FSTL5: variants seen among roughly 807,000 people sequenced by gnomAD.
FSTL5 encodes follistatin like 5.
FSTL5 carries 62 observed loss-of-function variants against 89.1 expected under a neutral mutation model. That is an observed-to-expected ratio of 0.70 (90% CI 0.57 to 0.86). The LOEUF is 0.86. FSTL5 is among the 40% of genes least tolerant of loss of function. The pLI is 0.00. For missense variants in FSTL5, 1,057 were observed against 1,001.6 expected, an observed-to-expected ratio of 1.06 and a Z score of -0.75; for synonymous variants, 383 against 346.2, an observed-to-expected ratio of 1.11 and a Z score of -1.18.
intron 3 of FSTL5, among the ~76,000 whole-genome samples, chr4:161,986,164 G>C (rs1735957866): frequency 6.6e-6 from 1 of 152,076 alleles, no homozygotes; most frequent in Admixed American, 6.5e-5. Flanking sequence ...TGGTTTTGAG[G>C]GTAGGGAAAG....
chr4:161,392,265 T>C (rs561840783), intron 15 of FSTL5, among the ~76,000 whole-genome samples: 1 of 152,060 alleles, frequency 6.6e-6, no homozygotes, highest in East Asian at 1.9e-4. Context: ...TTTCACTCTG[T>C]TGCCCAAGCT....
chr4:162,074,952 A>G (rs1309491009), intron 2 of FSTL5, among the ~76,000 whole-genome samples: 1 of 151,788 alleles, frequency 6.6e-6, no homozygotes, highest in Non-Finnish European at 1.5e-5. Flanking sequence ...ATTTTATAAT[A>G]AAGTGTCGAA....
chr4:162,033,567 C>A, intron 3 of FSTL5, 58 bp downstream of exon 3: 3 of 891,554 alleles, frequency 3.4e-6, no homozygotes, highest in East Asian at 2.7e-5. Flanking sequence ...CATCACATAT[C>A]TTTTTTCTTT....
chr4:161,841,752 G>T (rs960069063), intron 4 of FSTL5, among the ~76,000 whole-genome samples: 1 of 152,112 alleles, frequency 6.6e-6, no homozygotes, highest in African/African-American at 2.4e-5. Context: ...TAGAAAGGTG[G>T]CCCATGTAGT....
chr4:161,610,738 T>C (rs1358062548), intron 7 of FSTL5, among the ~76,000 whole-genome samples: 1 of 151,840 alleles, frequency 6.6e-6, no homozygotes, highest in Non-Finnish European at 1.5e-5. Flanking sequence ...TGCTGACACA[T>C]TGATATGAAA....
At chr4:161,891,460 C>T (rs757788337) in intron 4 of FSTL5, among the ~76,000 whole-genome samples, 1 of 152,010 alleles carries the variant, frequency 6.6e-6, no homozygotes, top group Admixed American at 6.6e-5. Context: ...GACAGTTTAC[C>T]CATCTGGTTT....
chr4:161,759,408 C>T lies in FSTL5; in HGVS notation c.727+3G>A, dbSNP rs1740699119. On this transcript the variant is annotated splice_donor_region_variant and intron_variant, in intron 6 of 15. Coordinates refer to ENST00000306100, the MANE Select transcript of FSTL5 (RefSeq NM_020116.5). The stretch of plus-strand genomic sequence containing the variant: ...GAAATTGGAGAATGAATCTTGTACT[C>T]ACGGAATGCTCTATAAAATTCTTCA... 2 of 1,583,516 alleles carry T rather than the reference C, an allele frequency of 1.3e-6. No individual in the cohort carries two copies. The highest frequency in any genetic ancestry group is 1.2e-5 in the South Asian group (1 of 85,210).
At chr4:161,895,783 G>A (rs929968582) in intron 4 of FSTL5, among the ~76,000 whole-genome samples, 3 of 152,048 alleles carry the variant, frequency 2.0e-5, no homozygotes, top group Non-Finnish European at 2.9e-5. Flanking sequence ...ATATCACAAC[G>A]TATTTTTGCA....
At chr4:161,641,861 T>G (rs2126668954) in intron 7 of FSTL5, among the ~76,000 whole-genome samples, 1 of 152,144 alleles carries the variant, frequency 6.6e-6, no homozygotes, top group South Asian at 2.1e-4. Context: ...TAGTACTGAT[T>G]ATATATATAA....
chr4:161,419,062 C>T (rs572929604), intron 15 of FSTL5, among the ~76,000 whole-genome samples: 1 of 152,294 alleles, frequency 6.6e-6, no homozygotes, highest in South Asian at 2.1e-4. Context: ...CTTAAACACA[C>T]TTCTCAATCA....
At chr4:161,477,439 T>A (rs1729322778) in intron 13 of FSTL5, among the ~76,000 whole-genome samples, 1 of 150,300 alleles carries the variant, frequency 6.7e-6, no homozygotes, top group Non-Finnish European at 1.5e-5. Flanking sequence ...ATTATTATAG[T>A]TTATTACACT....
chr4:161,946,376 TC>T (rs1465169076), intron 3 of FSTL5, among the ~76,000 whole-genome samples: 2 of 152,180 alleles, frequency 1.3e-5, no homozygotes, highest in Non-Finnish European at 2.9e-5. Flanking sequence ...AGTGAGCAAA[TC>T]CACATCATCT....
intron 3 of FSTL5, among the ~76,000 whole-genome samples, chr4:161,982,554 T>C (rs1172813800): frequency 1.3e-5 from 2 of 152,208 alleles, no homozygotes; most frequent in Non-Finnish European, 2.9e-5. Context: ...CTGGCCACAC[T>C]TGTGTTACCT....
chr4:161,491,293 A>G (rs548653070), intron 12 of FSTL5, among the ~76,000 whole-genome samples: 4 of 152,048 alleles, frequency 2.6e-5, no homozygotes, highest in Middle Eastern at 3.4e-3. Context: ...CTATCTTTTA[A>G]TTTTTCAAAT....
intron 3 of FSTL5, among the ~76,000 whole-genome samples, chr4:161,935,992 G>A (rs1292434595): frequency 1.3e-5 from 2 of 152,150 alleles, no homozygotes; most frequent in African/African-American, 4.8e-5. Context: ...AGACCAGCCT[G>A]GCCAACATGG....
At position 162,111,350 on chromosome 4, in the gene FSTL5, A is replaced by T; in HGVS notation, c.47T>A (p.Leu16Gln). The change falls in exon 2 of 16, where the codon CTG (leucine) becomes CAG (glutamine). Residue 16 changes from leucine to glutamine, a missense_variant. Leu to Gln is a moderately radical substitution (Grantham distance 113). Transcript: ENST00000306100. ...TTTGGTTGGCCTTCCTTCCGACTCC[A>T]GAAAAATGAATCCGAGAACCAAGAC... is the stretch of plus-strand genomic sequence containing the variant. Reference protein sequence around the residue: ...SVVLVLGFIFLESEGRPTKEG... With the variant: ...SVVLVLGFIFQESEGRPTKEG... 6.2e-7 allele frequency: 1 copy of T among 1,612,582 alleles called. No individual in the cohort carries two copies. The highest frequency in any genetic ancestry group is 8.5e-7 in the Non-Finnish European group (1 of 1,178,920).
intron 12 of FSTL5, among the ~76,000 whole-genome samples, chr4:161,486,776 T>C (rs2126462615): frequency 6.6e-6 from 1 of 152,330 alleles, no homozygotes; most frequent in Non-Finnish European, 1.5e-5. Flanking sequence ...TTTTAATTAC[T>C]CTTTCCTAGT....
intron 15 of FSTL5, among the ~76,000 whole-genome samples, chr4:161,407,733 A>C (rs1048545694): frequency 8.1e-6 from 1 of 122,860 alleles, no homozygotes; most frequent in Non-Finnish European, 1.9e-5. Flanking sequence ...GGACTGGGAC[A>C]CATCTATCCC....
At chr4:162,118,653 T>C (rs1731742521) in intron 1 of FSTL5, among the ~76,000 whole-genome samples, 1 of 152,194 alleles carries the variant, frequency 6.6e-6, no homozygotes, top group African/African-American at 2.4e-5. Context: ...GCCCCGTCAT[T>C]GTACCAGCTG....
Sources: gnomAD v4.1 joint callset for allele counts (sites outside exome capture counted in the v4.1 genomes callset) on GRCh38, gnomAD v4.1.1 for gene constraint, MANE v1.5 for transcripts, NCBI Gene and HGNC (gene_info 2026-07-23, HGNC 2026-07-21) for gene names.